THSD7B: variants seen among roughly 807,000 people sequenced by gnomAD.
The protein encoded by THSD7B is thrombospondin type 1 domain containing 7B, also known as thrombospondin type-1 domain-containing protein 7B.
THSD7B carries 138 observed loss-of-function variants against 213.6 expected under a neutral mutation model. The observed-to-expected ratio is 0.65, with a 90% CI of 0.56 to 0.74. The LOEUF (loss-of-function observed/expected upper bound fraction) is 0.74, where lower values mean the gene tolerates loss of function less well. Ranked by LOEUF, THSD7B falls within the 30% of genes least tolerant of loss-of-function variation. The pLI, the probability that THSD7B is intolerant of heterozygous loss-of-function variation, is 0.00. For synonymous variants in THSD7B, 742 were observed against 687.0 expected (o/e 1.08, Z -1.25); for missense variants, 1,931 against 1,991.5 (o/e 0.97, Z 0.58).
intron 1 of THSD7B, among the ~76,000 whole-genome samples, chr2:136,767,852 G>T (rs897795581): frequency 3.3e-5 from 5 of 152,128 alleles, no homozygotes; most frequent in Non-Finnish European, 5.9e-5. Flanking sequence ...CTCACTTTAT[G>T]TCAACCTTAA....
chr2:136,898,506 G>C (rs988475975), intron 2 of THSD7B, among the ~76,000 whole-genome samples: 3 of 151,600 alleles, frequency 2.0e-5, no homozygotes, highest in Non-Finnish European at 4.4e-5. Flanking sequence ...AGAGAGTACT[G>C]CAAGTAAGTT....
At chr2:136,863,617 T>C (rs779890429) in intron 1 of THSD7B, among the ~76,000 whole-genome samples, 22 of 152,210 alleles carry the variant, frequency 1.4e-4, no homozygotes, top group Non-Finnish European at 2.5e-4. Flanking sequence ...TTTCTCTGAA[T>C]AGAAAGCCAA....
chr2:137,562,949 C>T (rs868081268), intron 15 of THSD7B, among the ~76,000 whole-genome samples: 6 of 152,092 alleles, frequency 3.9e-5, no homozygotes, highest in Middle Eastern at 6.8e-3. Context: ...TAATGGAATT[C>T]CTATTCTTGG....
intron 2 of THSD7B, among the ~76,000 whole-genome samples, chr2:137,005,004 A>G (rs1010680755): frequency 4.2e-4 from 64 of 152,336 alleles, no homozygotes; most frequent in African/African-American, 1.5e-3. Context: ...CTTTTCTTAC[A>G]TTGTGAAAAA....
At chr2:137,412,718 G>T (rs1481682381) in intron 14 of THSD7B, among the ~76,000 whole-genome samples, 1 of 151,196 alleles carries the variant, frequency 6.6e-6, no homozygotes, top group Non-Finnish European at 1.5e-5. Flanking sequence ...AGTTTTGTCA[G>T]ATGTTAATCT....
At chr2:137,020,297 AGCACGGTG>A (rs1327592749) in intron 2 of THSD7B, among the ~76,000 whole-genome samples, 5 of 152,190 alleles carry the variant, frequency 3.3e-5, no homozygotes, top group Non-Finnish European at 7.4e-5. Context: ...ATGTGAATGG[AGCACGGTG>A]GCACATAAAG....
chr2:137,065,029 A>T (rs1158371248), intron 3 of THSD7B, among the ~76,000 whole-genome samples: 1 of 150,940 alleles, frequency 6.6e-6, no homozygotes, highest in Non-Finnish European at 1.5e-5. Context: ...GAGTTTTCAG[A>T]TTGTTTTTGC....
intron 2 of THSD7B, among the ~76,000 whole-genome samples, chr2:136,991,978 G>A (rs781603256): frequency 4.6e-4 from 70 of 152,166 alleles, no homozygotes; most frequent in Admixed American, 5.2e-4. Flanking sequence ...TCACTTTACC[G>A]TAATAAAAAT....
chr2:137,287,527 C>A (rs1683214717), intron 12 of THSD7B, among the ~76,000 whole-genome samples: 1 of 151,968 alleles, frequency 6.6e-6, no homozygotes, highest in Non-Finnish European at 1.5e-5. Context: ...GTAGAATGTG[C>A]ACACTTTTTT....
At chr2:137,547,599 C>G (rs1680766565) in intron 15 of THSD7B, among the ~76,000 whole-genome samples, 1 of 151,984 alleles carries the variant, frequency 6.6e-6, no homozygotes, top group Admixed American at 6.6e-5. Flanking sequence ...CAGCAATTTC[C>G]TCCTTTCTCC....
chr2:137,656,891 T>A lies in THSD7B; in HGVS notation c.4201T>A (p.Ser1401Thr). The A allele has an allele frequency of 6.2e-7, 1 of 1,614,034 alleles. No individual in the cohort carries two copies. Among genetic ancestry groups the A allele is most frequent in the Non-Finnish European group, 8.5e-7 (1 of 1,179,888 alleles). The change falls in exon 23 of 28, where the codon TCA becomes ACA. Residue 1401 changes from serine to threonine, a missense_variant. Ser to Thr is a moderately conservative substitution (Grantham distance 58, BLOSUM62 1). Coordinates refer to ENST00000409968, the MANE Select transcript of THSD7B (RefSeq NM_001316349.2). ...SFETVGRQSRSRTFIIQSFEN... is the reference protein window; with the variant it reads ...SFETVGRQSRTRTFIIQSFEN... ...TGAGACTGTGGGCCGCCAGTCTAGA[T>A]CAAGGACTTTTATAATTCAGTCTTT...
chr2:137,233,352 A>T (rs1373182760), intron 9 of THSD7B, among the ~76,000 whole-genome samples: 1 of 152,218 alleles, frequency 6.6e-6, no homozygotes, highest in Non-Finnish European at 1.5e-5. Flanking sequence ...GTATTAATAT[A>T]TCAGTTCTTG....
At position 137,314,527 on chromosome 2, in the gene THSD7B, C is replaced by A. The variant is rs532768112; in HGVS notation, c.2500+38501C>A. Among the ~76,000 whole-genome samples the A allele has an allele frequency of 2.6e-5, 4 of 152,350 alleles. No individual in the cohort carries two copies. The East Asian group carries it at 5.8e-4, about 22-fold the overall frequency. On this transcript the variant is annotated intron_variant, in intron 12 of 27. Transcript: ENST00000409968. ...CACCTCGTCAAAGTCATTCTCCATC[C>A]AGCTTTGTTCCATTGCTGGTGAGGA... is the stretch of plus-strand genomic sequence containing the variant.
intron 5 of THSD7B, among the ~76,000 whole-genome samples, chr2:137,143,673 G>A (rs1679636273): frequency 1.3e-5 from 2 of 152,080 alleles, no homozygotes; most frequent in Admixed American, 6.6e-5. Flanking sequence ...GGGATCTTTA[G>A]CAAGTAAATT....
chr2:136,842,617 C>T (rs75842408), intron 1 of THSD7B, among the ~76,000 whole-genome samples: 3,051 of 152,246 alleles, frequency 0.02, 98 homozygotes, highest in African/African-American at 0.069. Context: ...AAGTAAAGCA[C>T]AAGGTAAACT....
chr2:137,256,110 C>T (rs60003602), intron 10 of THSD7B, among the ~76,000 whole-genome samples: 15,525 of 152,060 alleles, frequency 0.1, 1,301 homozygotes, highest in East Asian at 0.43. Flanking sequence ...ATGGAAGTTC[C>T]ATGTCTTGTT....
chr2:137,019,750 T>TA (rs1207471191), intron 2 of THSD7B, among the ~76,000 whole-genome samples: 1 of 152,204 alleles, frequency 6.6e-6, no homozygotes, highest in Non-Finnish European at 1.5e-5. Context: ...ATAGTCTCCT[T>TA]AGAGACTAGC....
chr2:137,482,517 C>T (rs1372514371), intron 15 of THSD7B, among the ~76,000 whole-genome samples: 1 of 152,094 alleles, frequency 6.6e-6, no homozygotes, highest in Admixed American at 6.6e-5. Flanking sequence ...ATCATTGAAG[C>T]CCCTACTGAG....
intron 15 of THSD7B, among the ~76,000 whole-genome samples, chr2:137,478,907 A>AG (rs1333377971): frequency 6.6e-6 from 1 of 152,212 alleles, no homozygotes; most frequent in Non-Finnish European, 1.5e-5. Flanking sequence ...TGCTGGTGAC[A>AG]GGGATGTCAA....
Sources: gnomAD v4.1 joint callset for allele counts (sites outside exome capture counted in the v4.1 genomes callset) on GRCh38, gnomAD v4.1.1 for gene constraint, MANE v1.5 for transcripts, NCBI Gene and HGNC (gene_info 2026-07-23, HGNC 2026-07-21) for gene names.